The following RBFOX1 variants were observed in gnomAD, a reference collection of about 807,000 sequenced individuals.
RBFOX1 encodes RNA binding protein fox-1 homolog 1.
Under a neutral mutation model 57.7 loss-of-function variants are expected in RBFOX1, and 8 were observed. That is an observed-to-expected ratio of 0.14 (90% CI 0.08 to 0.25). The LOEUF (loss-of-function observed/expected upper bound fraction) is 0.25. RBFOX1 is among the 10% of genes least tolerant of loss of function. The pLI is 1.00. For synonymous variants in RBFOX1, 326 were observed against 222.4 expected (o/e 1.47, Z -4.15); for missense variants, 611 against 548.5 (o/e 1.11, Z -1.14).
intron 4 of RBFOX1, among the ~76,000 whole-genome samples, chr16:7,510,525 G>T (rs1004177488): frequency 6.6e-5 from 10 of 151,914 alleles, no homozygotes; most frequent in Middle Eastern, 6.3e-3. Flanking sequence ...GCGCGCGCAC[G>T]CGCGCACGCG....
intron 4 of RBFOX1, among the ~76,000 whole-genome samples, chr16:7,097,537 C>G (rs1278267265): frequency 3.3e-5 from 5 of 152,160 alleles, no homozygotes; most frequent in African/African-American, 1.2e-4. Flanking sequence ...ATTGTGGAAT[C>G]ATTTCTTTCT....
At chr16:6,982,714 C>T (rs1053226520) in intron 3 of RBFOX1, among the ~76,000 whole-genome samples, 2 of 152,086 alleles carry the variant, frequency 1.3e-5, no homozygotes, top group African/African-American at 4.8e-5. Flanking sequence ...TGGAACTGGC[C>T]AGGTGCAGTG....
At chr16:6,700,296 A>G (rs1334700686) in intron 3 of RBFOX1, among the ~76,000 whole-genome samples, 1 of 152,158 alleles carries the variant, frequency 6.6e-6, no homozygotes, top group Non-Finnish European at 1.5e-5. Context: ...GAAATGAAAA[A>G]TAACAGTATA....
intron 3 of RBFOX1, among the ~76,000 whole-genome samples, chr16:6,779,384 G>A (rs866769695): frequency 6.6e-6 from 1 of 151,906 alleles, no homozygotes; most frequent in Non-Finnish European, 1.5e-5. Flanking sequence ...TCCATTGTAT[G>A]TATGTACCAC....
intron 3 of RBFOX1, among the ~76,000 whole-genome samples, chr16:7,036,186 C>G (rs1034862719): frequency 1.4e-5 from 2 of 141,078 alleles, no homozygotes; most frequent in African/African-American, 2.6e-5. Flanking sequence ...TCCCATGGGA[C>G]TTAGTTCACC....
intron 1 of RBFOX1, among the ~76,000 whole-genome samples, chr16:6,259,576 T>G (rs1332929019): frequency 2.0e-5 from 3 of 152,116 alleles, no homozygotes; most frequent in Non-Finnish European, 2.9e-5. Flanking sequence ...TTTCTGGGAC[T>G]TGGGGAGGGT....
intron 1 of RBFOX1, among the ~76,000 whole-genome samples, chr16:6,175,900 G>A (rs1258151041): frequency 6.6e-6 from 1 of 152,148 alleles, no homozygotes; most frequent in Non-Finnish European, 1.5e-5. Context: ...AACCTTGACT[G>A]CCTGTTAGAA....
rs565550509 is a variant in RBFOX1, at chr16:7,047,442, C to T, written c.-15-4615C>T. On this transcript the variant is annotated intron_variant, in intron 3 of 15. Transcript: ENST00000550418. ...TCCATAGTTCTTTGAATTGTTGGGC[C>T]CTTACAAGCATTGCATTGTTTGTCT... 4.6e-5 allele frequency among the ~76,000 whole-genome samples: 7 copies of T among 151,978 alleles called. 1 individual carries two copies. In the South Asian group the frequency reaches 1.2e-3, roughly 27 times the overall value.
intron 3 of RBFOX1, among the ~76,000 whole-genome samples, chr16:7,041,082 A>ATTTTTTTTTTTTTTT (rs61569211): frequency 9.1e-6 from 1 of 109,310 alleles, no homozygotes; most frequent in Non-Finnish European, 1.8e-5. Context: ...CGCCCAGCTA[A>ATTTTTTTTTTTTTTT]TTTTTTTTTT....
At chr16:5,852,785 G>A (rs368838676) in intron 3 of RBFOX1, among the ~76,000 whole-genome samples, 14 of 152,108 alleles carry the variant, frequency 9.2e-5, no homozygotes, top group African/African-American at 3.4e-4. Flanking sequence ...AGTTATGATT[G>A]TACCACTGCT....
At chr16:5,943,153 G>A (rs556187135) in intron 4 of RBFOX1, among the ~76,000 whole-genome samples, 1 of 152,324 alleles carries the variant, frequency 6.6e-6, no homozygotes, top group African/African-American at 2.4e-5. Context: ...CAGCAGATCA[G>A]CACCTCCATA....
chr16:5,446,938 G>A (rs972108691), intron 1 of RBFOX1, among the ~76,000 whole-genome samples: 8 of 152,094 alleles, frequency 5.3e-5, no homozygotes, highest in African/African-American at 1.9e-4. Flanking sequence ...CTGCAACATG[G>A]ATTACTAACA....
chr16:7,476,917 C>T (rs2062839107), intron 4 of RBFOX1, among the ~76,000 whole-genome samples: 1 of 152,100 alleles, frequency 6.6e-6, no homozygotes. Context: ...CTTTTTCCCC[C>T]AAAGCTTTAC....
At chr16:7,245,674 T>C (rs1282791917) in intron 4 of RBFOX1, among the ~76,000 whole-genome samples, 5 of 152,252 alleles carry the variant, frequency 3.3e-5, no homozygotes, top group Non-Finnish European at 7.3e-5. Context: ...TGTTTTTGTT[T>C]GTTTGTTTGT....
chr16:6,364,093 G>C (rs995041544), intron 2 of RBFOX1, among the ~76,000 whole-genome samples: 2 of 152,198 alleles, frequency 1.3e-5, no homozygotes, highest in East Asian at 1.9e-4. Context: ...GAAAGGTTTA[G>C]CCTACCCCTC....
At chr16:6,854,587 A>ATTT (rs71147611) in intron 3 of RBFOX1, among the ~76,000 whole-genome samples, 2,150 of 70,616 alleles carry the variant, frequency 0.03, 263 homozygotes, top group African/African-American at 0.1. Context: ...GGAGAGGTGA[A>ATTT]TTTTTTTTTT....
chr16:7,090,251 G>A (rs534129535), intron 4 of RBFOX1, among the ~76,000 whole-genome samples: 11 of 152,134 alleles, frequency 7.2e-5, no homozygotes, highest in African/African-American at 2.7e-4. Flanking sequence ...TCCATATTCA[G>A]TTTACTCCTG....
At chr16:7,180,737 G>C (rs906904801) in intron 4 of RBFOX1, among the ~76,000 whole-genome samples, 3 of 148,566 alleles carry the variant, frequency 2.0e-5, no homozygotes, top group Non-Finnish European at 3.0e-5. Flanking sequence ...AAACCTGCCA[G>C]AACATTGGCT....
intron 12 of RBFOX1, among the ~76,000 whole-genome samples, chr16:7,660,243 G>T (rs776991035): frequency 3.3e-5 from 5 of 152,124 alleles, no homozygotes; most frequent in Non-Finnish European, 7.3e-5. Flanking sequence ...AAGAAAATAA[G>T]ATGTGCATTT....
Sources: allele counts gnomAD v4.1 joint callset (sites outside exome capture counted in the v4.1 genomes callset), GRCh38; gene constraint gnomAD v4.1.1; transcripts MANE v1.5; gene names NCBI Gene and HGNC (gene_info 2026-07-23, HGNC 2026-07-21).